Variants in RASA3 observed in about 807,000 individuals in gnomAD.
RASA3 encodes ras GTPase-activating protein 3.
In RASA3, 73 loss-of-function variants were observed where a neutral mutation model predicts 110.0. The observed-to-expected ratio is 0.66, with a 90% confidence interval of 0.55 to 0.81. The LOEUF (loss-of-function observed/expected upper bound fraction) is 0.81, where lower values mean the gene tolerates loss of function less well. Among genes scored for constraint, RASA3 ranks in the 30% least tolerant of loss-of-function variants. RASA3 has a pLI of 0.00. For missense variants in RASA3, 976 were observed against 1,113.2 expected (o/e 0.88, Z 1.75); for synonymous variants, 500 against 451.4 (o/e 1.11, Z -1.37).
intron 16 of RASA3, among the ~76,000 whole-genome samples, chr13:114,010,627 G>A (rs1319912419): frequency 1.6e-5 from 2 of 123,064 alleles, no homozygotes; most frequent in African/African-American, 6.5e-5. Context: ...GGAGGAGGCG[G>A]CCGCTTGGGG....
Position 114,000,833 on chromosome 13 carries a change from T to G in RASA3, c.1842A>C (p.Lys614Asn). 6.2e-7 allele frequency: 1 copy of G among 1,606,688 alleles called. No homozygotes were observed. Among genetic ancestry groups the G allele is most frequent in the Non-Finnish European group, 8.5e-7 (1 of 1,173,374 alleles). Residue 614 changes from lysine (K) to asparagine (N), a missense_variant, in exon 19 of 24, where the codon AAA (lysine) becomes AAC (asparagine). Lys to Asn is a moderately conservative substitution (Grantham distance 94). Transcript: ENST00000334062. ...AGCGACCTTGCTCCTTACCTTTGCT[T>G]TTGTGGTAGGTAAATTCATGGTTGG... Reference protein sequence around the residue: ...RLTNHEFTYHKSKGDQPLYSI... With the variant: ...RLTNHEFTYHNSKGDQPLYSI...
intron 1 of RASA3, among the ~76,000 whole-genome samples, chr13:114,116,867 G>C (rs1418474829): frequency 6.9e-6 from 1 of 144,268 alleles, no homozygotes; most frequent in Non-Finnish European, 1.5e-5. Context: ...CGTGTGTGAG[G>C]GGTGCACATG....
At chr13:114,032,975 A>C (rs111164483) in intron 4 of RASA3, among the ~76,000 whole-genome samples, 4 of 44,620 alleles carry the variant, frequency 9.0e-5, no homozygotes, top group African/African-American at 3.8e-4. Context: ...CCACACCCCA[A>C]AGCACCCCCA....
chr13:114,018,654 G>T, intron 10 of RASA3, 109 bp downstream of exon 10: 2 of 1,371,586 alleles, frequency 1.5e-6, no homozygotes, highest in Non-Finnish European at 9.9e-7. Context: ...GCGTGGGAAA[G>T]GCCCCCTCAG....
intron 1 of RASA3, among the ~76,000 whole-genome samples, chr13:114,076,080 G>A (rs956003056): frequency 6.6e-6 from 1 of 152,068 alleles, no homozygotes; most frequent in Non-Finnish European, 1.5e-5. Context: ...AGCTCTCAGG[G>A]TCTCACTGCT....
At chr13:114,123,405 C>G (rs143960956) in intron 1 of RASA3, among the ~76,000 whole-genome samples, 1 of 152,200 alleles carries the variant, frequency 6.6e-6, no homozygotes, top group Non-Finnish European at 1.5e-5. Context: ...TAGGGGTGCA[C>G]GCAAGGGCCC....
intron 1 of RASA3, among the ~76,000 whole-genome samples, chr13:114,089,277 C>T (rs536144131): frequency 1.0e-4 from 10 of 95,498 alleles, no homozygotes; most frequent in African/African-American, 3.2e-4. Context: ...CGAGGGGAGA[C>T]GAGGGGAGAC....
rs148353768 is a variant in RASA3 at position 114,128,288 on chromosome 13, C to T, written c.55+4147G>A. ...AAAACACTTCTCTTACCTGAGTGAG[C>T]CCTAGCCCTCTGAAGACACTGTTGC... On this transcript the variant is annotated intron_variant, in intron 1 of 23. Coordinates refer to ENST00000334062, the MANE Select transcript of RASA3 (RefSeq NM_007368.4). Among the ~76,000 whole-genome samples, 341 of 152,374 alleles carry T rather than the reference C, an allele frequency of 2.2e-3. 9 individuals carry two copies. In the South Asian group the frequency reaches 0.057, roughly 26 times the overall value.
At chr13:114,131,358 GA>G (rs1044440876) in intron 1 of RASA3, among the ~76,000 whole-genome samples, 7 of 152,188 alleles carry the variant, frequency 4.6e-5, no homozygotes, top group South Asian at 4.1e-4. Flanking sequence ...TCTCCAGCCT[GA>G]ACCGCGCTGT....
At chr13:114,130,694 G>A (rs1169063080) in intron 1 of RASA3, among the ~76,000 whole-genome samples, 1 of 152,222 alleles carries the variant, frequency 6.6e-6, no homozygotes. Flanking sequence ...GGCCTGAAGT[G>A]TAGCCCTTCC....
intron 1 of RASA3, among the ~76,000 whole-genome samples, chr13:114,104,208 C>T (rs547179620): frequency 1.3e-5 from 1 of 79,656 alleles, no homozygotes. Flanking sequence ...GATGCGTCCA[C>T]GCTGCCACGG....
chr13:114,043,790 G>A lies in RASA3; in HGVS notation c.278-2696C>T, dbSNP rs546499111. ...GCCTCTAATGGCGCAGACCACGAGG[G>A]TGGACGACAGCCAGGACACCTCCGC... On this transcript the variant is annotated intron_variant, in intron 3 of 23. Transcript: ENST00000334062. Among the ~76,000 whole-genome samples, 4 of 151,438 alleles carry A rather than the reference G, an allele frequency of 2.6e-5. No homozygotes were observed. The South Asian group carries it at 6.3e-4, about 24-fold the overall frequency.
intron 4 of RASA3, among the ~76,000 whole-genome samples, chr13:114,036,604 C>G (rs1358714619): frequency 2.0e-5 from 3 of 152,102 alleles, no homozygotes; most frequent in Non-Finnish European, 2.9e-5. Context: ...ATGGCGCGAT[C>G]TCAGCTCACA....
chr13:114,013,588 C>A (rs1435570986), intron 14 of RASA3, among the ~76,000 whole-genome samples: 3 of 87,032 alleles, frequency 3.4e-5, no homozygotes, highest in African/African-American at 1.8e-4. Flanking sequence ...CTCTCTCTCT[C>A]TCTCTCCGTC....
At chr13:114,016,116 G>T in intron 13 of RASA3, 81 bp downstream of exon 13, 1 of 1,281,732 alleles carries the variant, frequency 7.8e-7, no homozygotes, top group Non-Finnish European at 1.1e-6. Flanking sequence ...GTCACGGGGT[G>T]AGTCAGAGCT....
At position 114,018,251 on chromosome 13, in the gene RASA3, G is replaced by A. The variant is rs1490143089; in HGVS notation, c.944C>T (p.Pro315Leu). The A allele has an allele frequency of 1.9e-6, 3 of 1,551,104 alleles. No individual in the cohort carries two copies. Among genetic ancestry groups the A allele is most frequent in the Non-Finnish European group, 1.7e-6 (2 of 1,147,788 alleles). ...GATGTGGGCCGCAGACGCTGACACG[G>A]GCTGCGGGGAGGGGTGAGGTCAGTG... ...DLLLKSADVE[P>L]VSASAAHILG... Residue 315 changes from proline (P) to leucine (L), a missense_variant and splice_region_variant, in exon 11 of 24, where the codon CCC (proline) becomes CTC (leucine). By Grantham distance (98) the Pro-to-Leu change is moderately conservative. Transcript: ENST00000334062.
chr13:114,034,471 C>A (rs990947893), intron 4 of RASA3, among the ~76,000 whole-genome samples: 1 of 152,196 alleles, frequency 6.6e-6, no homozygotes, highest in Non-Finnish European at 1.5e-5. Context: ...TGTGCTCTCC[C>A]GGCTCCTGGC....
intron 15 of RASA3, among the ~76,000 whole-genome samples, chr13:114,012,202 G>A (rs188175754): frequency 1.8e-3 from 275 of 152,112 alleles, no homozygotes; most frequent in African/African-American, 6.0e-3. Context: ...TGGACAAACC[G>A]TCCACTGCTT....
At chr13:114,016,318 A>G in intron 12 of RASA3, 47 bp from the exon 13 acceptor site, 1 of 1,405,354 alleles carries the variant, frequency 7.1e-7, no homozygotes, top group Non-Finnish European at 1.0e-6. Context: ...TTCTGGGGGC[A>G]CAGGCAGGGA....
Sources: gnomAD v4.1 joint callset for allele counts (sites outside exome capture counted in the v4.1 genomes callset) on GRCh38, gnomAD v4.1.1 for gene constraint, MANE v1.5 for transcripts, NCBI Gene and HGNC (gene_info 2026-07-23, HGNC 2026-07-21) for gene names.